Variants in CCDC141 observed in about 807,000 individuals in gnomAD.
The protein encoded by CCDC141 is coiled-coil domain containing 141.
A neutral mutation model predicts 181.0 loss-of-function variants in CCDC141; 168 were observed. The observed-to-expected ratio is 0.93, with a 90% confidence interval of 0.82 to 1.05. CCDC141 has a LOEUF of 1.05. Ranked by LOEUF, CCDC141 falls within the 50% of genes least tolerant of loss-of-function variation. The pLI, the probability that CCDC141 is intolerant of heterozygous loss-of-function variation, is 0.00. For missense variants in CCDC141, 1,902 were observed against 1,788.5 expected (o/e 1.06, Z -1.14); for synonymous variants, 666 against 642.3 (o/e 1.04, Z -0.56).
At chr2:179,015,932 TTCATATATATCATATATATC>T (rs1432870929) in intron 2 of CCDC141, among the ~76,000 whole-genome samples, 2 of 127,008 alleles carry the variant, frequency 1.6e-5, no homozygotes, top group Non-Finnish European at 3.5e-5. Context: ...ATCATATAAT[TTCATATATATCATATATATC>T]TCATATATAT....
intron 4 of CCDC141, among the ~76,000 whole-genome samples, chr2:178,967,157 G>T (rs545055486): frequency 6.6e-6 from 1 of 152,198 alleles, no homozygotes; most frequent in South Asian, 2.1e-4. Flanking sequence ...GAGGAGAATG[G>T]AACCAAGTTG....
At chr2:178,871,620 G>C in intron 13 of CCDC141, 68 bp from the exon 14 acceptor site, 1 of 1,559,112 alleles carries the variant, frequency 6.4e-7, no homozygotes, top group African/African-American at 1.4e-5. Context: ...GATCATTCTA[G>C]GTATGACGCA....
chr2:179,013,158 T>A (rs1159367651), intron 2 of CCDC141, among the ~76,000 whole-genome samples: 2 of 151,998 alleles, frequency 1.3e-5, no homozygotes, highest in East Asian at 1.9e-4. Context: ...TCCAAATCAG[T>A]AAAGAGGATG....
chr2:179,011,190 G>A (rs957748467), intron 2 of CCDC141, among the ~76,000 whole-genome samples: 15 of 152,004 alleles, frequency 9.9e-5, no homozygotes, highest in African/African-American at 3.6e-4. Context: ...TTGCAGAATG[G>A]ATAAGAACTC....
chr2:179,014,577 A>C (rs1419206543), intron 2 of CCDC141, among the ~76,000 whole-genome samples: 1 of 152,102 alleles, frequency 6.6e-6, no homozygotes, highest in African/African-American at 2.4e-5. Flanking sequence ...ATCAGCAAGA[A>C]AAAAACAAAC....
intron 2 of CCDC141, among the ~76,000 whole-genome samples, chr2:178,983,363 GA>G (rs1416111156): frequency 1.2e-4 from 18 of 152,156 alleles, no homozygotes; most frequent in Non-Finnish European, 2.2e-4. Flanking sequence ...CGAAGAGGGG[GA>G]AAAAACAGAA....
chr2:178,849,556 T>C (rs1441867992), intron 21 of CCDC141, among the ~76,000 whole-genome samples: 1 of 152,230 alleles, frequency 6.6e-6, no homozygotes, highest in African/African-American at 2.4e-5. Context: ...ATATTCTCCA[T>C]ATTTGTTACC....
rs926758553 is a variant in CCDC141, at chr2:178,996,747, A to G, written c.226-18072T>C. On this transcript the variant is annotated intron_variant, in intron 2 of 23. Coordinates refer to ENST00000443758, the MANE Select transcript of CCDC141 (RefSeq NM_173648.4). ...CTGTGAACAGCAAAATGTTCTATTCATTGCGGATCCAAGGCCAGAACATTC... is the reference window on the plus strand; with the variant it reads ...CTGTGAACAGCAAAATGTTCTATTCGTTGCGGATCCAAGGCCAGAACATTC... 2.0e-5 allele frequency among the ~76,000 whole-genome samples: 3 copies of G among 152,180 alleles called. 1 individual carries two copies. Among genetic ancestry groups the G allele is most frequent in the South Asian group, 4.2e-4 (2 of 4,808 alleles).
At chr2:178,945,179 A>G (rs1052218815) in intron 5 of CCDC141, among the ~76,000 whole-genome samples, 12 of 152,164 alleles carry the variant, frequency 7.9e-5, no homozygotes, top group Non-Finnish European at 2.9e-5. Flanking sequence ...TTTATAATAC[A>G]TGCCATATAC....
chr2:178,838,217 C>A (rs989470671), intron 22 of CCDC141, among the ~76,000 whole-genome samples: 4 of 152,178 alleles, frequency 2.6e-5, no homozygotes, highest in African/African-American at 9.7e-5. Context: ...TCAAGAAAAC[C>A]ATTTCTTTTT....
At chr2:178,868,304 T>A in intron 15 of CCDC141, 99 bp from the exon 16 acceptor site, 2 of 969,430 alleles carry the variant, frequency 2.1e-6, no homozygotes, top group Non-Finnish European at 3.1e-6. Context: ...CTGGTCGAAA[T>A]GCTGCCAAGC....
At chr2:178,850,433 T>C (rs1182000837) in intron 20 of CCDC141, among the ~76,000 whole-genome samples, 1 of 152,198 alleles carries the variant, frequency 6.6e-6, no homozygotes, top group East Asian at 1.9e-4. Flanking sequence ...TTCTCCTTAG[T>C]TTTTCCTGTT....
intron 2 of CCDC141, among the ~76,000 whole-genome samples, chr2:179,023,500 A>G (rs1212935808): frequency 6.6e-6 from 1 of 152,214 alleles, no homozygotes; most frequent in Non-Finnish European, 1.5e-5. Context: ...CATTTAAAAT[A>G]TATGTAATGT....
At chr2:178,936,258 T>C (rs1449833662) in intron 6 of CCDC141, among the ~76,000 whole-genome samples, 1 of 152,164 alleles carries the variant, frequency 6.6e-6, no homozygotes, top group African/African-American at 2.4e-5. Context: ...AATCAACCCA[T>C]CTTGAGTTGA....
chr2:178,961,526 A>G (rs1690401588), intron 4 of CCDC141, 43 bp from the exon 5 acceptor site: 1 of 1,441,212 alleles, frequency 6.9e-7, no homozygotes, highest in Non-Finnish European at 9.4e-7. Flanking sequence ...GATATTAGCA[A>G]GCTTTTATAC....
At chr2:178,936,117 A>C (rs1231326622) in intron 6 of CCDC141, among the ~76,000 whole-genome samples, 1 of 151,976 alleles carries the variant, frequency 6.6e-6, no homozygotes, top group Non-Finnish European at 1.5e-5. Context: ...CCCACTTGTC[A>C]ATTTTTGCTT....
At chr2:178,884,331 C>T (rs1686773006) in intron 11 of CCDC141, among the ~76,000 whole-genome samples, 1 of 151,582 alleles carries the variant, frequency 6.6e-6, no homozygotes, top group Non-Finnish European at 1.5e-5. Context: ...CACAGAAAAA[C>T]TGCTTTGCTT....
At chr2:179,049,538 A>T (rs1437833500) in intron 1 of CCDC141, among the ~76,000 whole-genome samples, 1 of 152,044 alleles carries the variant, frequency 6.6e-6, no homozygotes, top group Non-Finnish European at 1.5e-5. Flanking sequence ...TTTAAAGACC[A>T]AATTGACAGT....
At chr2:178,994,278 C>G (rs1439163235) in intron 2 of CCDC141, among the ~76,000 whole-genome samples, 2 of 152,244 alleles carry the variant, frequency 1.3e-5, no homozygotes, top group Non-Finnish European at 2.9e-5. Context: ...TTCCATACAT[C>G]TGCTGAAGTC....
Sources: allele counts gnomAD v4.1 joint callset (sites outside exome capture counted in the v4.1 genomes callset), GRCh38; gene constraint gnomAD v4.1.1; transcripts MANE v1.5; gene names NCBI Gene and HGNC (gene_info 2026-07-23, HGNC 2026-07-21).